The following PRKN variants were observed in gnomAD, a reference collection of about 807,000 sequenced individuals.
PRKN encodes the protein parkin RBR E3 ubiquitin protein ligase, also known as E3 ubiquitin-protein ligase parkin.
PRKN carries 56 observed loss-of-function variants against 59.5 expected under a neutral mutation model. The ratio of observed to expected loss-of-function variants is 0.94; its 90% confidence interval spans 0.76 to 1.18. PRKN has a LOEUF of 1.18. Ranked by LOEUF, PRKN falls within the 50% of genes most tolerant of loss-of-function variation. The probability of loss-of-function intolerance (pLI) is 0.00; values close to 1 mark genes in which losing one functional copy is unlikely to be tolerated. For synonymous variants in PRKN, 250 were observed against 222.1 expected (o/e 1.13, Z -1.12); for missense variants, 657 against 596.4 (o/e 1.10, Z -1.06).
intron 6 of PRKN, among the ~76,000 whole-genome samples, chr6:161,797,287 G>A (rs191844851): frequency 5.9e-5 from 9 of 151,776 alleles, no homozygotes; most frequent in Non-Finnish European, 1.0e-4. Flanking sequence ...AGTCTCACTC[G>A]GTCACCCAGG....
At chr6:162,246,779 A>C (rs1779215675) in intron 3 of PRKN, among the ~76,000 whole-genome samples, 1 of 152,186 alleles carries the variant, frequency 6.6e-6, no homozygotes, top group Non-Finnish European at 1.5e-5. Flanking sequence ...CAATCACAAA[A>C]TCTTGCATTA....
intron 1 of PRKN, among the ~76,000 whole-genome samples, chr6:162,639,918 T>C (rs1777896583): frequency 6.6e-6 from 1 of 152,258 alleles, no homozygotes; most frequent in Admixed American, 6.5e-5. Flanking sequence ...TGGGTAGATT[T>C]TTCATCAGAG....
intron 5 of PRKN, among the ~76,000 whole-genome samples, chr6:161,990,702 G>A (rs568130079): frequency 5.3e-4 from 81 of 152,060 alleles, no homozygotes; most frequent in African/African-American, 1.8e-3. Context: ...AAATAACCCA[G>A]TTAAAAAATT....
chr6:161,921,843 T>C (rs886276303), intron 6 of PRKN, among the ~76,000 whole-genome samples: 1 of 152,184 alleles, frequency 6.6e-6, no homozygotes, highest in Admixed American at 6.5e-5. Flanking sequence ...TAAATCTTAG[T>C]GGGAACACAA....
rs200674940 is a variant in PRKN at position 161,532,166 on chromosome 6, CTATATATATA to C, written c.1083+16678_1083+16687del. Among the ~76,000 whole-genome samples the C allele has an allele frequency of 2.6e-3, 301 of 115,366 alleles. 1 individual carries two copies. Among genetic ancestry groups the C allele is most frequent in the East Asian group, 7.5e-3 (32 of 4,258 alleles). The allele number at this position is 115,366 out of a possible 152,430, so 75.7% of individuals were successfully genotyped here. On this transcript the variant is annotated intron_variant, in intron 9 of 11. Transcript: ENST00000366898. ...ACTCTCTCTCTCTCTCTCTCTCTCT[CTATATATATA>C]TATATATATATATATAATCTATCTA...
intron 1 of PRKN, among the ~76,000 whole-genome samples, chr6:162,556,408 T>G (rs1319090255): frequency 6.7e-6 from 1 of 148,708 alleles, no homozygotes. Flanking sequence ...TGTGTGTCAG[T>G]TTGGCAGACG....
chr6:162,232,285 G>T (rs1045422928), intron 3 of PRKN, among the ~76,000 whole-genome samples: 1 of 152,102 alleles, frequency 6.6e-6, no homozygotes, highest in African/African-American at 2.4e-5. Flanking sequence ...TGTGCTCAGG[G>T]CCTTTGCAGC....
At chr6:162,697,290 C>G (rs1778004706) in intron 1 of PRKN, among the ~76,000 whole-genome samples, 2 of 151,958 alleles carry the variant, frequency 1.3e-5, no homozygotes, top group Admixed American at 6.6e-5. Flanking sequence ...AGACATACAT[C>G]AATGAAAATA....
At chr6:162,125,207 T>C (rs1459302220) in intron 4 of PRKN, among the ~76,000 whole-genome samples, 3 of 152,116 alleles carry the variant, frequency 2.0e-5, no homozygotes, top group African/African-American at 7.2e-5. Flanking sequence ...CATCCCTAAA[T>C]ACAGCCCATA....
intron 1 of PRKN, among the ~76,000 whole-genome samples, chr6:162,702,388 C>T (rs1778189842): frequency 6.6e-6 from 1 of 152,068 alleles, no homozygotes; most frequent in African/African-American, 2.4e-5. Context: ...AGTTTAAACT[C>T]TAATTAACAG....
chr6:162,391,325 G>A (rs1456832110), intron 2 of PRKN, among the ~76,000 whole-genome samples: 3 of 150,470 alleles, frequency 2.0e-5, no homozygotes, highest in African/African-American at 7.4e-5. Context: ...CATGCTTGAC[G>A]TGGATTTCGA....
At chr6:161,897,486 C>G (rs1286566721) in intron 6 of PRKN, among the ~76,000 whole-genome samples, 6 of 152,082 alleles carry the variant, frequency 3.9e-5, no homozygotes, top group African/African-American at 1.2e-4. Context: ...GAGAAGAATG[C>G]TTCATTGGGA....
chr6:162,555,362 A>G (rs995271031), intron 1 of PRKN, among the ~76,000 whole-genome samples: 2 of 152,222 alleles, frequency 1.3e-5, no homozygotes, highest in African/African-American at 4.8e-5. Flanking sequence ...AGTTAAAAAA[A>G]TTCCAGCTTT....
chr6:161,988,534 T>C (rs66475311), intron 5 of PRKN, among the ~76,000 whole-genome samples: 47,847 of 151,452 alleles, frequency 0.32, 8,328 homozygotes, highest in African/African-American at 0.48. Context: ...AAAGAAAAAT[T>C]TTCAGGAAAC....
intron 6 of PRKN, among the ~76,000 whole-genome samples, chr6:161,868,854 G>A (rs1794227761): frequency 6.6e-6 from 1 of 152,180 alleles, no homozygotes; most frequent in Non-Finnish European, 1.5e-5. Context: ...TCAGGATGAG[G>A]CCCTTGCAGC....
At chr6:162,367,778 G>T (rs933888717) in intron 2 of PRKN, among the ~76,000 whole-genome samples, 1 of 152,032 alleles carries the variant, frequency 6.6e-6, no homozygotes, top group African/African-American at 2.4e-5. Context: ...GAGAAAAAAA[G>T]AAAGAAAAAA....
chr6:162,506,451 T>G (rs1371559205), intron 1 of PRKN, among the ~76,000 whole-genome samples: 1 of 152,150 alleles, frequency 6.6e-6, no homozygotes, highest in East Asian at 1.9e-4. Context: ...TCCAGCCCCC[T>G]GAAATGCTTA....
At chr6:162,724,202 T>A (rs1562527054) in intron 1 of PRKN, among the ~76,000 whole-genome samples, 1 of 152,246 alleles carries the variant, frequency 6.6e-6, no homozygotes, top group African/African-American at 2.4e-5. Context: ...TACATTTTTC[T>A]AAATTGAATT....
At chr6:162,697,592 A>C (rs1418181345) in intron 1 of PRKN, among the ~76,000 whole-genome samples, 1 of 152,222 alleles carries the variant, frequency 6.6e-6, no homozygotes, top group Non-Finnish European at 1.5e-5. Context: ...ATAGGCTAAC[A>C]GACTCAGTGC....
Sources: gnomAD v4.1 joint callset for allele counts (sites outside exome capture counted in the v4.1 genomes callset) on GRCh38, gnomAD v4.1.1 for gene constraint, MANE v1.5 for transcripts, NCBI Gene and HGNC (gene_info 2026-07-23, HGNC 2026-07-21) for gene names.